The following COL28A1 variants were observed in gnomAD, a reference collection of about 807,000 sequenced individuals.
The protein encoded by COL28A1 is collagen type XXVIII alpha 1 chain, also known as collagen alpha-1(XXVIII) chain.
COL28A1 carries 161 observed loss-of-function variants against 150.2 expected under a neutral mutation model. That is an observed-to-expected ratio of 1.07 (90% CI 0.94 to 1.22). The LOEUF (loss-of-function observed/expected upper bound fraction) is 1.22, where lower values mean the gene tolerates loss of function less well. Among genes scored for constraint, COL28A1 ranks in the 50% most tolerant of loss-of-function variants. The pLI, the probability that COL28A1 is intolerant of heterozygous loss-of-function variation, is 0.00. For missense variants in COL28A1, 1,617 were observed against 1,388.3 expected (o/e 1.16, Z -2.62); for synonymous variants, 552 against 469.7 (o/e 1.18, Z -2.26).
intron 13 of COL28A1, among the ~76,000 whole-genome samples, chr7:7,479,170 C>G (rs967932501): frequency 5.3e-5 from 8 of 152,216 alleles, no homozygotes; most frequent in East Asian, 1.9e-4. Context: ...TAAACCAATC[C>G]CCCATGAATA....
intron 27 of COL28A1, among the ~76,000 whole-genome samples, chr7:7,393,428 G>T (rs905454551): frequency 1.6e-4 from 24 of 152,206 alleles, no homozygotes; most frequent in African/African-American, 5.8e-4. Flanking sequence ...GGAGACACAG[G>T]GTTCAGGGAC....
chr7:7,385,151 C>T (rs907000322), intron 27 of COL28A1, among the ~76,000 whole-genome samples: 2 of 152,164 alleles, frequency 1.3e-5, no homozygotes, highest in African/African-American at 2.4e-5. Flanking sequence ...AGTATAGGAA[C>T]GATATCTCTT....
At chr7:7,350,451 A>G in the COL28A1 span, among the ~76,000 whole-genome samples, 3 of 152,134 alleles carry the variant, frequency 2.0e-5, no homozygotes, top group African/African-American at 7.2e-5. Flanking sequence ...CCAAAATTTG[A>G]AGAAGCACAA....
At chr7:7,503,880 G>C (rs746200170) in intron 11 of COL28A1, among the ~76,000 whole-genome samples, 4 of 152,120 alleles carry the variant, frequency 2.6e-5, no homozygotes, top group Non-Finnish European at 4.4e-5. Flanking sequence ...TCTAGAAATT[G>C]ACAGCTTTTT....
chr7:7,391,796 C>G (rs1483755960), intron 27 of COL28A1, among the ~76,000 whole-genome samples: 1 of 113,358 alleles, frequency 8.8e-6, no homozygotes, highest in African/African-American at 3.1e-5. Flanking sequence ...GGATTGCAAC[C>G]CCTGCTTTTT....
At chr7:7,527,340 T>A (rs78220378) in intron 3 of COL28A1, among the ~76,000 whole-genome samples, 5,867 of 152,286 alleles carry the variant, frequency 0.039, 157 homozygotes, top group Non-Finnish European at 0.059. Flanking sequence ...GATGGCTTCT[T>A]GGAATAGGTG....
chr7:7,350,331 G>C, the COL28A1 span, among the ~76,000 whole-genome samples: 1 of 152,158 alleles, frequency 6.6e-6, no homozygotes, highest in Non-Finnish European at 1.5e-5. Context: ...CATTCACAGA[G>C]AGATGGAATA....
chr7:7,384,365 T>C (rs1004032487), intron 27 of COL28A1, among the ~76,000 whole-genome samples: 1 of 152,188 alleles, frequency 6.6e-6, no homozygotes, highest in African/African-American at 2.4e-5. Flanking sequence ...CTTTATTCAG[T>C]TTAAAGTCAG....
chr7:7,403,861 A>G lies in COL28A1; in HGVS notation c.2136+13998T>C, dbSNP rs150373065. Among the ~76,000 whole-genome samples, 376 of 152,304 alleles carry G rather than the reference A, an allele frequency of 2.5e-3. 4 individuals are homozygous for G. The highest frequency in any genetic ancestry group is 8.9e-3 in the African/African-American group (369 of 41,562). ...TTATATACCTGGCATCAATTTTGTCATAATAAAATGTTTTCCATTCCAGGT... is the reference window on the plus strand; with the variant it reads ...TTATATACCTGGCATCAATTTTGTCGTAATAAAATGTTTTCCATTCCAGGT... On this transcript the variant is annotated intron_variant, in intron 27 of 34. Transcript: ENST00000399429.
intron 27 of COL28A1, among the ~76,000 whole-genome samples, chr7:7,406,805 A>G (rs899848580): frequency 2.0e-5 from 3 of 152,188 alleles, no homozygotes; most frequent in African/African-American, 7.2e-5. Flanking sequence ...GATGCAAGAT[A>G]AAGTCAACAA....
chr7:7,527,891 G>A (rs1198649673), intron 3 of COL28A1, among the ~76,000 whole-genome samples: 1 of 151,986 alleles, frequency 6.6e-6, no homozygotes, highest in South Asian at 2.1e-4. Flanking sequence ...CAAAGCACTC[G>A]GTAGGCAAGG....
intron 27 of COL28A1, among the ~76,000 whole-genome samples, chr7:7,384,892 C>G (rs372476854): frequency 1.3e-5 from 2 of 152,154 alleles, no homozygotes; most frequent in Non-Finnish European, 2.9e-5. Flanking sequence ...GCACTCCCAA[C>G]ATAGGTGTCA....
chr7:7,442,498 A>C (rs966273604), intron 20 of COL28A1, among the ~76,000 whole-genome samples: 2 of 152,206 alleles, frequency 1.3e-5, no homozygotes, highest in African/African-American at 4.8e-5. Context: ...CACCTCACCC[A>C]AAAAGGATCC....
intron 15 of COL28A1, among the ~76,000 whole-genome samples, chr7:7,460,762 G>T (rs1787550358): frequency 1.3e-5 from 2 of 152,224 alleles, no homozygotes; most frequent in African/African-American, 4.8e-5. Flanking sequence ...CTGCTTTGCT[G>T]ATGGTAGAAG....
At position 7,517,840 on chromosome 7, in the gene COL28A1, G is replaced by A. The variant is rs1377999073; in HGVS notation, c.814-3C>T. On this transcript the variant is annotated splice_polypyrimidine_tract_variant and splice_region_variant and intron_variant, in intron 6 of 34. Coordinates refer to ENST00000399429, the MANE Select transcript of COL28A1 (RefSeq NM_001037763.3). Reference sequence around the variant, plus strand: ...GCTTCTCCTTTTTGAGCGTTGCCCTGTGACAAACAAAAAACAGTAAAAATT... The same window carrying A: ...GCTTCTCCTTTTTGAGCGTTGCCCTATGACAAACAAAAAACAGTAAAAATT... 1.2e-6 allele frequency: 2 copies of A among 1,613,530 alleles called. No individual in the cohort carries two copies. The highest frequency in any genetic ancestry group is 1.7e-5 in the Admixed American group (1 of 59,980).
Position 7,524,268 on chromosome 7 carries a change from T to G in COL28A1, c.682-19A>C, listed in dbSNP as rs1781900555. On this transcript the variant is annotated intron_variant, in intron 3 of 34. Coordinates refer to ENST00000399429, the MANE Select transcript of COL28A1 (RefSeq NM_001037763.3). ...AGATATCCTACAAGGGAAAAAAGAA[T>G]GAAGCATTAACTCGATTGATAGTTC... 1 of 1,295,586 alleles carries G rather than the reference T, an allele frequency of 7.7e-7. No homozygotes were observed. The highest frequency in any genetic ancestry group is 1.1e-6 in the Non-Finnish European group (1 of 890,106). The allele number at this position is 1,295,586 out of a possible 1,614,324, so 80.3% of individuals were successfully genotyped here.
intron 9 of COL28A1, among the ~76,000 whole-genome samples, chr7:7,509,147 T>C (rs953898671): frequency 1.3e-5 from 2 of 152,120 alleles, no homozygotes; most frequent in African/African-American, 2.4e-5. Flanking sequence ...TTTGTTTTTT[T>C]TGAGACAGGG....
chr7:7,400,733 A>C (rs115193677), intron 27 of COL28A1, among the ~76,000 whole-genome samples: 6,725 of 150,688 alleles, frequency 0.045, 515 homozygotes, highest in African/African-American at 0.16. Context: ...TTCCTCTATA[A>C]CTCCATTTCT....
intron 11 of COL28A1, among the ~76,000 whole-genome samples, chr7:7,497,086 GAAGGAAGA>G (rs1397995622): frequency 0.013 from 1,711 of 130,714 alleles, 36 homozygotes; most frequent in African/African-American, 0.045. Context: ...AGGAAGAAAG[GAAGGAAGA>G]AAGGAAGGAA....
Sources: allele counts gnomAD v4.1 joint callset (sites outside exome capture counted in the v4.1 genomes callset), GRCh38; gene constraint gnomAD v4.1.1; transcripts MANE v1.5; gene names NCBI Gene and HGNC (gene_info 2026-07-23, HGNC 2026-07-21).